Variants in TMEM163 observed in about 807,000 individuals in gnomAD.
TMEM163 encodes the protein transmembrane protein 163.
Under a neutral mutation model 29.3 loss-of-function variants are expected in TMEM163, and 17 were observed. That is an observed-to-expected ratio of 0.58 (90% CI 0.40 to 0.87). The LOEUF is 0.87. TMEM163 is among the 40% of genes least tolerant of loss of function. TMEM163 has a pLI of 0.00. For missense variants in TMEM163, 303 were observed against 381.5 expected, an observed-to-expected ratio of 0.79 and a Z score of 1.71; for synonymous variants, 157 against 160.6, an observed-to-expected ratio of 0.98 and a Z score of 0.17.
intron 2 of TMEM163, among the ~76,000 whole-genome samples, chr2:134,585,696 C>G (rs1006285391): frequency 1.3e-5 from 2 of 150,812 alleles, no homozygotes; most frequent in Admixed American, 6.6e-5. Flanking sequence ...GAGTCTAGAT[C>G]GCGCCACTGC....
intron 2 of TMEM163, among the ~76,000 whole-genome samples, chr2:134,567,379 T>C (rs1333126604): frequency 1.3e-5 from 2 of 151,210 alleles, no homozygotes; most frequent in African/African-American, 2.5e-5. Context: ...TAGATCCTGA[T>C]TTGCCAATAT....
At chr2:134,627,278 T>C (rs968825783) in intron 2 of TMEM163, among the ~76,000 whole-genome samples, 5 of 152,226 alleles carry the variant, frequency 3.3e-5, no homozygotes, top group Non-Finnish European at 5.9e-5. Context: ...ATCCCTTATA[T>C]ATGTACTTTA....
intron 4 of TMEM163, among the ~76,000 whole-genome samples, chr2:134,526,046 G>T (rs1288920951): frequency 6.6e-6 from 1 of 152,146 alleles, no homozygotes; most frequent in Non-Finnish European, 1.5e-5. Flanking sequence ...CTCAGGCCAG[G>T]CCTCGGGTGT....
At chr2:134,521,767 C>T (rs1680195099) in intron 4 of TMEM163, among the ~76,000 whole-genome samples, 1 of 152,200 alleles carries the variant, frequency 6.6e-6, no homozygotes, top group Non-Finnish European at 1.5e-5. Flanking sequence ...CGCTGAAGAG[C>T]ATCCTATAAT....
chr2:134,622,237 C>G (rs908427407), intron 2 of TMEM163, among the ~76,000 whole-genome samples: 1 of 152,122 alleles, frequency 6.6e-6, no homozygotes. Flanking sequence ...AATGGTGATA[C>G]ACAAGTTTAT....
At chr2:134,648,910 T>C (rs1574308200) in intron 2 of TMEM163, among the ~76,000 whole-genome samples, 1 of 152,214 alleles carries the variant, frequency 6.6e-6, no homozygotes, top group Admixed American at 6.5e-5. Context: ...CCACAGCTGA[T>C]GGCTCACGGC....
Position 134,480,618 on chromosome 2 carries a change from T to C in TMEM163, c.556-14393A>G, listed in dbSNP as rs540079723. ...TCACACTGATTTAGGAACAAGTTGG[T>C]TTTTCCCTCTGACCTTGGGATAAAG... On this transcript the variant is annotated intron_variant, in intron 5 of 7. Transcript: ENST00000281924. Among the ~76,000 whole-genome samples, 36 of 152,224 alleles carry C rather than the reference T, an allele frequency of 2.4e-4. No homozygotes were observed. In the South Asian group the frequency reaches 6.4e-3, roughly 27 times the overall value.
intron 5 of TMEM163, chr2:134,466,454 C>A: frequency 2.0e-6 from 1 of 494,356 alleles, no homozygotes; most frequent in Non-Finnish European, 3.7e-6. Flanking sequence ...AAAACCATTA[C>A]GTATTTATTT....
intron 2 of TMEM163, among the ~76,000 whole-genome samples, chr2:134,703,408 GAAAT>G (rs755076637): frequency 6.6e-6 from 1 of 151,854 alleles, no homozygotes; most frequent in Non-Finnish European, 1.5e-5. Flanking sequence ...AAGTTAATAA[GAAAT>G]AAATTCATAG....
chr2:134,673,795 G>A (rs73958782), intron 2 of TMEM163, among the ~76,000 whole-genome samples: 12,756 of 152,222 alleles, frequency 0.084, 604 homozygotes, highest in South Asian at 0.17. Context: ...GGAAAAACAC[G>A]GTCCTGCCAA....
At chr2:134,584,630 T>C (rs1256459340) in intron 2 of TMEM163, among the ~76,000 whole-genome samples, 1 of 138,542 alleles carries the variant, frequency 7.2e-6, no homozygotes, top group East Asian at 2.1e-4. Context: ...TCTCTGAAAT[T>C]TCTAGTAAAA....
intron 2 of TMEM163, among the ~76,000 whole-genome samples, chr2:134,571,705 C>G (rs1267718174): frequency 6.6e-6 from 1 of 152,190 alleles, no homozygotes; most frequent in Non-Finnish European, 1.5e-5. Flanking sequence ...TAGGCATAAG[C>G]TTCCCAGAGT....
chr2:134,554,722 ACTCAATTGGAGTGTTGTGTC>A (rs1263408359), intron 2 of TMEM163, among the ~76,000 whole-genome samples: 2 of 152,148 alleles, frequency 1.3e-5, no homozygotes. Flanking sequence ...GGTGTCCCCG[ACTCAATTGGAGTGTTGTGTC>A]CATGATTTCC....
chr2:134,525,814 C>T (rs892302915), intron 4 of TMEM163, among the ~76,000 whole-genome samples: 1 of 152,226 alleles, frequency 6.6e-6, no homozygotes, highest in Admixed American at 6.5e-5. Context: ...GGCATCTCTC[C>T]TGCATCAGTC....
chr2:134,686,613 G>A (rs781577135), intron 2 of TMEM163, among the ~76,000 whole-genome samples: 28 of 152,178 alleles, frequency 1.8e-4, no homozygotes, highest in Non-Finnish European at 2.9e-4. Context: ...CATGCTACTC[G>A]GCTCATCATG....
intron 2 of TMEM163, among the ~76,000 whole-genome samples, chr2:134,699,576 T>G (rs778159328): frequency 2.6e-5 from 4 of 152,208 alleles, no homozygotes; most frequent in African/African-American, 9.7e-5. Flanking sequence ...TTCTGATATA[T>G]TCTACATCAC....
intron 2 of TMEM163, among the ~76,000 whole-genome samples, chr2:134,573,714 T>C (rs1030232997): frequency 1.3e-5 from 2 of 152,224 alleles, no homozygotes; most frequent in African/African-American, 4.8e-5. Flanking sequence ...AAAACAGAAC[T>C]AAAAAACACA....
intron 2 of TMEM163, among the ~76,000 whole-genome samples, chr2:134,694,249 AG>A (rs1684533557): frequency 6.6e-6 from 1 of 152,240 alleles, no homozygotes; most frequent in South Asian, 2.1e-4. Context: ...CCATTTAAAA[AG>A]CTTTCTGAAA....
chr2:134,712,338 T>C (rs1034490033), intron 2 of TMEM163, among the ~76,000 whole-genome samples: 6 of 152,238 alleles, frequency 3.9e-5, no homozygotes, highest in Non-Finnish European at 7.3e-5. Flanking sequence ...CTAGCAGACA[T>C]GTGCTTTTTT....
Sources: allele counts gnomAD v4.1 joint callset (sites outside exome capture counted in the v4.1 genomes callset), GRCh38; gene constraint gnomAD v4.1.1; transcripts MANE v1.5; gene names NCBI Gene and HGNC (gene_info 2026-07-23, HGNC 2026-07-21).